RSF1: variants seen among roughly 807,000 people sequenced by gnomAD.
RSF1 encodes remodeling and spacing factor 1.
In RSF1, 13 loss-of-function variants were observed where a neutral mutation model predicts 145.2. That is an observed-to-expected ratio of 0.09 (90% confidence interval 0.06 to 0.14). RSF1 has a LOEUF of 0.14. Ranked by LOEUF, RSF1 falls within the 10% of genes least tolerant of loss-of-function variation. RSF1 has a pLI of 1.00. For missense variants in RSF1, 1,517 were observed against 1,718.2 expected (o/e 0.88, Z 2.07); for synonymous variants, 577 against 592.6 (o/e 0.97, Z 0.38).
At chr11:77,805,561 C>T (rs953491102) in intron 1 of RSF1, among the ~76,000 whole-genome samples, 1 of 152,018 alleles carries the variant, frequency 6.6e-6, no homozygotes. Context: ...ATTTTAATTA[C>T]CTTAAGTACA....
At position 77,742,118 on chromosome 11, in the gene RSF1, T is replaced by C. The variant is rs552817574; in HGVS notation, c.373-1182A>G. The stretch of plus-strand genomic sequence containing the variant: ...GCTGCAGTGAACACAGGAGTGCAGA[T>C]ACCACTTCAAGAAACAAATTCTTCT... On this transcript the variant is annotated intron_variant, in intron 3 of 15. Coordinates refer to ENST00000308488, the MANE Select transcript of RSF1 (RefSeq NM_016578.4). 3.9e-5 allele frequency among the ~76,000 whole-genome samples: 6 copies of C among 152,342 alleles called. No homozygotes were observed. In the East Asian group the frequency reaches 1.2e-3, roughly 29 times the overall value.
intron 11 of RSF1, among the ~76,000 whole-genome samples, chr11:77,681,544 T>C (rs1959862185): frequency 6.6e-6 from 1 of 152,146 alleles, no homozygotes; most frequent in African/African-American, 2.4e-5. Flanking sequence ...TCTCCCAAAG[T>C]ACTGGGATTT....
chr11:77,770,449 C>G (rs759979550), intron 1 of RSF1, among the ~76,000 whole-genome samples: 1 of 152,088 alleles, frequency 6.6e-6, no homozygotes, highest in Non-Finnish European at 1.5e-5. Flanking sequence ...AGTGAGACTC[C>G]GTCTCAAAAA....
At chr11:77,816,760 C>T (rs1440291079) in intron 1 of RSF1, among the ~76,000 whole-genome samples, 1 of 152,184 alleles carries the variant, frequency 6.6e-6, no homozygotes, top group Non-Finnish European at 1.5e-5. Context: ...TATCCATAAC[C>T]ACCATCATCT....
intron 1 of RSF1, chr11:77,813,520 G>A (rs1368878577): frequency 7.7e-6 from 6 of 780,770 alleles, no homozygotes; most frequent in Non-Finnish European, 1.4e-5. Context: ...ATTCGAACTG[G>A]TCCTTTCACT....
rs527645779 is a variant in RSF1 at position 77,673,249 on chromosome 11, G to A, written c.3563-1019C>T. Among the ~76,000 whole-genome samples, 102 of 152,280 alleles carry A rather than the reference G, an allele frequency of 6.7e-4. No individual in the cohort carries two copies. The Middle Eastern group carries it at 0.02, about 30-fold the overall frequency. ...TCTTCTCCATAAAGAATACAAATCTGCTAAATAAAGCACACAGACCTAGTT... is the reference window on the plus strand; with the variant it reads ...TCTTCTCCATAAAGAATACAAATCTACTAAATAAAGCACACAGACCTAGTT... On this transcript the variant is annotated intron_variant, in intron 14 of 15. Coordinates refer to ENST00000308488, the MANE Select transcript of RSF1 (RefSeq NM_016578.4).
At chr11:77,753,202 C>T (rs1052529163) in intron 2 of RSF1, among the ~76,000 whole-genome samples, 1 of 152,154 alleles carries the variant, frequency 6.6e-6, no homozygotes. Context: ...CTTTCTTGTG[C>T]AAGCTCCAAG....
chr11:77,820,979 G>A (rs2136002504), upstream of RSF1: 2 of 536,018 alleles, frequency 3.7e-6, no homozygotes, highest in East Asian at 3.2e-5. Context: ...TCCCCTTCGG[G>A]CTTGCCACTG....
the RSF1 span, among the ~76,000 whole-genome samples, chr11:77,831,534 A>T: frequency 6.6e-6 from 1 of 152,100 alleles, no homozygotes; most frequent in African/African-American, 2.4e-5. Flanking sequence ...CTGCAAGCAC[A>T]TGATGTGATT....
chr11:77,692,780 C>T (rs952619645), intron 8 of RSF1, among the ~76,000 whole-genome samples: 5 of 150,770 alleles, frequency 3.3e-5, no homozygotes, highest in Admixed American at 6.6e-5. Context: ...CGGGTTCAAT[C>T]GATTCTCCTG....
At position 77,667,636 on chromosome 11, in the gene RSF1, T is replaced by C. The variant is rs181966464; in HGVS notation, c.3752-145A>G. The C allele has an allele frequency of 6.0e-6, 4 of 664,304 alleles. No individual in the cohort carries two copies. The East Asian group carries it at 1.1e-4, about 18-fold the overall frequency. 41.2% of individuals were successfully genotyped at this position (664,304 alleles called of 1,614,324 possible). A position where few individuals can be genotyped will look rare whatever the true frequency, so the allele number is the denominator to read the frequency against. ...TCCTTTCAATAATTGGCCTGATTTC[T>C]CTCTTCTCAGTCCCATAACAATGCC... is the stretch of plus-strand genomic sequence containing the variant. On this transcript the variant is annotated intron_variant, in intron 15 of 15. Transcript: ENST00000308488.
At chr11:77,758,979 T>C (rs537055364) in intron 2 of RSF1, among the ~76,000 whole-genome samples, 5 of 152,356 alleles carry the variant, frequency 3.3e-5, no homozygotes, top group African/African-American at 1.2e-4. Flanking sequence ...ATTTTTTATG[T>C]TGTTGCTCAG....
chr11:77,671,168 TA>T (rs1959534316), intron 15 of RSF1, among the ~76,000 whole-genome samples: 5 of 95,000 alleles, frequency 5.3e-5, no homozygotes, highest in Admixed American at 1.3e-4. Flanking sequence ...TATATATATA[TA>T]TATATATATT....
chr11:77,817,788 A>T (rs1196795984), intron 1 of RSF1, among the ~76,000 whole-genome samples: 1 of 152,186 alleles, frequency 6.6e-6, no homozygotes, highest in African/African-American at 2.4e-5. Context: ...ACTCTTGTAC[A>T]CTACAACTCT....
chr11:77,738,459 C>T (rs372390819), intron 4 of RSF1, among the ~76,000 whole-genome samples: 3 of 152,110 alleles, frequency 2.0e-5, no homozygotes, highest in African/African-American at 4.8e-5. Context: ...TATGGGAGGA[C>T]GTGCATAGGT....
rs180949795 is a variant in RSF1, at chr11:77,711,180, T to C, written c.734-8685A>G. 2.0e-3 allele frequency among the ~76,000 whole-genome samples: 310 copies of C among 151,744 alleles called. 1 individual carries two copies. The highest frequency in any genetic ancestry group is 7.1e-3 in the African/African-American group (295 of 41,328). On this transcript the variant is annotated intron_variant, in intron 5 of 15. Coordinates refer to ENST00000308488, the MANE Select transcript of RSF1 (RefSeq NM_016578.4). ...AAAAAAGATAAAACTCATGAGTTCA[T>C]TCTGATAGTTCATGTTTTCTTAACC... is the stretch of plus-strand genomic sequence containing the variant.
chr11:77,826,613 C>A, the RSF1 span, among the ~76,000 whole-genome samples: 1 of 152,262 alleles, frequency 6.6e-6, no homozygotes, highest in Middle Eastern at 3.4e-3. Flanking sequence ...CAAGTACACT[C>A]CTGCTACACT....
At chr11:77,807,905 C>T (rs993157453) in intron 1 of RSF1, among the ~76,000 whole-genome samples, 2 of 152,124 alleles carry the variant, frequency 1.3e-5, no homozygotes, top group East Asian at 1.9e-4. Context: ...CATGGCAGTA[C>T]AGGAACACAC....
At chr11:77,695,381 A>G (rs918134323) in intron 7 of RSF1, among the ~76,000 whole-genome samples, 8 of 152,058 alleles carry the variant, frequency 5.3e-5, no homozygotes, top group Non-Finnish European at 8.8e-5. Context: ...GTTATTAGGA[A>G]TTATTCTGTA....
Sources: allele counts gnomAD v4.1 joint callset (sites outside exome capture counted in the v4.1 genomes callset), GRCh38; gene constraint gnomAD v4.1.1; transcripts MANE v1.5; gene names NCBI Gene and HGNC (gene_info 2026-07-23, HGNC 2026-07-21).